PTDSS2: variants seen among roughly 807,000 people sequenced by gnomAD.
The protein encoded by PTDSS2 is phosphatidylserine synthase 2.
PTDSS2 carries 41 observed loss-of-function variants against 64.7 expected under a neutral mutation model. The observed-to-expected ratio is 0.63, with a 90% CI of 0.49 to 0.82. The LOEUF is 0.82. Ranked by LOEUF, PTDSS2 falls within the 40% of genes least tolerant of loss-of-function variation. PTDSS2 has a pLI of 0.00. For missense variants in PTDSS2, 485 were observed against 650.0 expected, an observed-to-expected ratio of 0.75 and a Z score of 2.76; for synonymous variants, 297 against 277.8, an observed-to-expected ratio of 1.07 and a Z score of -0.69.
chr11:484,681 GGC>G (rs1369746744), intron 4 of PTDSS2, among the ~76,000 whole-genome samples: 1 of 147,834 alleles, frequency 6.8e-6, no homozygotes, highest in Admixed American at 7.0e-5. Flanking sequence ...AAACTGCACG[GGC>G]GTGTGTGCTG....
intron 3 of PTDSS2, among the ~76,000 whole-genome samples, chr11:474,778 C>T (rs957413237): frequency 6.6e-6 from 1 of 152,212 alleles, no homozygotes; most frequent in African/African-American, 2.4e-5. Flanking sequence ...TACAAAGATA[C>T]TTAAAAATAA....
Position 476,728 on chromosome 11 carries a change from C to T in PTDSS2, c.368-2357C>T, listed in dbSNP as rs987227939. Among the ~76,000 whole-genome samples, 3 of 152,164 alleles carry T rather than the reference C, an allele frequency of 2.0e-5. No individual in the cohort carries two copies. Among genetic ancestry groups the T allele is most frequent in the South Asian group, 2.1e-4 (1 of 4,830 alleles). ...GCGCTTCCAAAAGCTCCGGCCGCGG[C>T]GTCTCTTGAGTTGTGGCTCGTCCCC... On this transcript the variant is annotated intron_variant, in intron 3 of 11. Transcript: ENST00000308020. The surrounding 1 kb of genome is among the most constrained non-coding windows in gnomAD (Gnocchi z 4.9).
At chr11:453,667 T>C (rs370850738) in intron 1 of PTDSS2, among the ~76,000 whole-genome samples, 2 of 152,332 alleles carry the variant, frequency 1.3e-5, no homozygotes, top group African/African-American at 4.8e-5. Flanking sequence ...GTCTTGCTGG[T>C]CAGAGCCAGA....
At chr11:482,592 G>A (rs1317639274) in intron 4 of PTDSS2, among the ~76,000 whole-genome samples, 1 of 152,224 alleles carries the variant, frequency 6.6e-6, no homozygotes, top group African/African-American at 2.4e-5. Flanking sequence ...GGGAGTATAA[G>A]CATGAGCCAC....
Position 451,614 on chromosome 11 carries a change from G to A in PTDSS2, c.182+977G>A. The stretch of plus-strand genomic sequence containing the variant: ...CCAGCAGTGGAAGGAAGGCTTTATG[G>A]ACGCTTCCAAGAGAACCATGCTGTG... On this transcript the variant is annotated intron_variant, in intron 1 of 11. Transcript: ENST00000308020. 1.6e-5 allele frequency: 4 copies of A among 244,556 alleles called. 1 individual carries two copies. Among genetic ancestry groups the A allele is most frequent in the South Asian group, 1.4e-4 (4 of 28,168 alleles). 15.1% of individuals were successfully genotyped at this position (244,556 alleles called of 1,614,324 possible).
At chr11:454,319 C>T (rs1235657542) in intron 1 of PTDSS2, among the ~76,000 whole-genome samples, 1 of 152,130 alleles carries the variant, frequency 6.6e-6, no homozygotes, top group Non-Finnish European at 1.5e-5. Context: ...TCGGTGGCCA[C>T]CTCAATGACA....
At position 476,258 on chromosome 11, in the gene PTDSS2, T is replaced by A. The variant is rs1346079985; in HGVS notation, c.367+2281T>A. Among the ~76,000 whole-genome samples the A allele has an allele frequency of 3.9e-5, 6 of 152,144 alleles. No individual in the cohort carries two copies. Among genetic ancestry groups the A allele is most frequent in the African/African-American group, 1.4e-4 (6 of 41,418 alleles). Reference sequence around the variant, plus strand: ...GGTCTTGCCTCCAAGGGGTTTGGATTCCTCAGCAGAGCCGTGGAAGGTGCA... The same window carrying A: ...GGTCTTGCCTCCAAGGGGTTTGGATACCTCAGCAGAGCCGTGGAAGGTGCA... On this transcript the variant is annotated intron_variant, in intron 3 of 11. Transcript: ENST00000308020. This position sits in a 1 kb window ranked among gnomAD's most constrained non-coding sequence, Gnocchi z 4.9.
rs527810824 is a variant in PTDSS2, at chr11:485,619, C to T, written c.436-1320C>T. On this transcript the variant is annotated intron_variant, in intron 4 of 11. Coordinates refer to ENST00000308020, the MANE Select transcript of PTDSS2 (RefSeq NM_030783.3). ...CGGGCGCGTGTGCTCACTGCGCAGG[C>T]GAGTGTAAACAGTGCACGGGCGCGT... 6.0e-5 allele frequency among the ~76,000 whole-genome samples: 8 copies of T among 134,258 alleles called. No homozygotes were observed. The East Asian group carries it at 7.0e-4, about 12-fold the overall frequency. The allele number at this position is 134,258 out of a possible 152,430, so 88.1% of individuals were successfully genotyped here.
In PTDSS2 at chr11:479,149, C is replaced by G; in HGVS notation, c.432C>G (p.Phe144Leu). ...VYELFLIFIL[F>L]QTVQDGRQFL... ...AGCTGTTTCTCATCTTTATACTCTTCCAGGTAAGCTGTTTTTCTGGGTTGG... is the reference window on the plus strand; with the variant it reads ...AGCTGTTTCTCATCTTTATACTCTTGCAGGTAAGCTGTTTTTCTGGGTTGG... The change falls in exon 4 of 12, where the codon TTC becomes TTG. Residue 144 changes from phenylalanine to leucine, a missense_variant. Physicochemically the swap from Phe to Leu is conservative, Grantham distance 22. Around this residue, in one of 3 missense-constraint regions of PTDSS2, gnomAD observed 251 missense variants for 348.0 expected, o/e 0.72. Transcript: ENST00000308020. This position sits in a 1 kb window ranked among gnomAD's most constrained non-coding sequence, Gnocchi z 4.2. 1.9e-6 allele frequency: 3 copies of G among 1,613,532 alleles called. No homozygotes were observed. Among genetic ancestry groups the G allele is most frequent in the Non-Finnish European group, 2.5e-6 (3 of 1,179,402 alleles).
chr11:488,589 G>C lies in PTDSS2; in HGVS notation c.796G>C (p.Glu266Gln). 1 of 1,613,488 alleles carries C rather than the reference G, an allele frequency of 6.2e-7. No individual in the cohort carries two copies. The highest frequency in any genetic ancestry group is 8.5e-7 in the Non-Finnish European group (1 of 1,179,966). ...LGIYCGMKTL[E>Q]WLSLKTYKWQ... ...CATCTACTGCGGCATGAAGACCCTT[G>C]AGTGGCTGTCCCTGAAGACGTACAA... is the stretch of plus-strand genomic sequence containing the variant. The change falls in exon 8 of 12, where the codon GAG becomes CAG. Residue 266 changes from glutamate (E) to glutamine (Q), a missense_variant. This residue lies in a region of PTDSS2 where 251 missense variants were observed against 348.0 expected (regional missense o/e 0.72). Coordinates refer to ENST00000308020, the MANE Select transcript of PTDSS2 (RefSeq NM_030783.3).
chr11:455,292 A>C (rs1846533756), intron 1 of PTDSS2, among the ~76,000 whole-genome samples: 1 of 152,184 alleles, frequency 6.6e-6, no homozygotes, highest in African/African-American at 2.4e-5. Flanking sequence ...ATTACTGCCC[A>C]GAGTGAGAAC....
chr11:451,361 A>C (rs1590595742), intron 1 of PTDSS2: 1 of 444,274 alleles, frequency 2.3e-6, no homozygotes, highest in Non-Finnish European at 4.6e-6. Context: ...GACAGGCTCC[A>C]GGTGCCGCTC....
At chr11:487,274 T>C in intron 5 of PTDSS2, 146 bp from the exon 6 acceptor site, 1 of 944,306 alleles carries the variant, frequency 1.1e-6, no homozygotes, top group Non-Finnish European at 1.7e-6. Context: ...GTGGACGTGG[T>C]CTCCACAGGC....
Position 479,251 on chromosome 11 carries a change from A to G in PTDSS2, c.435+99A>G. ...GCCTTGCCCACACAGCCCTCGAGTG[A>G]TGGGAGGAAGCAGGGCTAGACCCCC... On this transcript the variant is annotated intron_variant, in intron 4 of 11. Transcript: ENST00000308020. This position sits in a 1 kb window ranked among gnomAD's most constrained non-coding sequence, Gnocchi z 4.2. 1 of 998,398 alleles carries G rather than the reference A, an allele frequency of 1.0e-6. No individual in the cohort carries two copies. Among genetic ancestry groups the G allele is most frequent in the South Asian group, 1.3e-5 (1 of 78,874 alleles). The allele number at this position is 998,398 out of a possible 1,614,324, so 61.8% of individuals were successfully genotyped here. A position where few individuals can be genotyped will look rare whatever the true frequency, so the allele number is the denominator to read the frequency against.
At chr11:485,121 G>A (rs139668637) in intron 4 of PTDSS2, among the ~76,000 whole-genome samples, 3 of 122,850 alleles carry the variant, frequency 2.4e-5, no homozygotes, top group African/African-American at 1.0e-4. Flanking sequence ...GCACGGGCGC[G>A]TGTGCTCACT....
intron 5 of PTDSS2, 56 bp downstream of exon 5, chr11:487,129 A>C: frequency 6.6e-7 from 1 of 1,525,960 alleles, no homozygotes; most frequent in Non-Finnish European, 9.0e-7. Flanking sequence ...CCCGTGCCGG[A>C]CCAGGCGCCA....
chr11:489,418 C>T lies in PTDSS2; in HGVS notation c.873C>T (p.Ile291=), dbSNP rs570734704. The T allele has an allele frequency of 1.1e-5, 17 of 1,613,216 alleles. No individual in the cohort carries two copies. Among genetic ancestry groups the T allele is most frequent in the South Asian group, 7.7e-5 (7 of 91,078 alleles). The change falls in exon 9 of 12, where the codon ATC becomes ATT. Residue 291 remains isoleucine (I), a synonymous_variant. Coordinates refer to ENST00000308020, the MANE Select transcript of PTDSS2 (RefSeq NM_030783.3). Reference sequence around the variant, plus strand: ...TTCCCAGGGGCAAGATGAAGAGGATCGCCTTCCAGTTCACGCCGTACAGCT... The same window carrying T: ...TTCCCAGGGGCAAGATGAAGAGGATTGCCTTCCAGTTCACGCCGTACAGCT... ...IPTYKGKMKR[I]AFQFTPYSWV...
At chr11:484,850 C>T (rs1288476000) in intron 4 of PTDSS2, among the ~76,000 whole-genome samples, 4 of 126,030 alleles carry the variant, frequency 3.2e-5, no homozygotes, top group South Asian at 2.7e-4. Context: ...AAACAGTGCA[C>T]GGGTGCGTGT....
chr11:490,801 C>CGTGTACGTGT lies in PTDSS2; in HGVS notation c.*223_*224insACGTGTGTGT. 1.7e-6 allele frequency: 1 copy of CGTGTACGTGT among 575,812 alleles called. No homozygotes were observed. The highest frequency in any genetic ancestry group is 3.1e-6 in the Non-Finnish European group (1 of 324,232). 35.7% of individuals were successfully genotyped at this position (575,812 alleles called of 1,614,324 possible). On this transcript the variant is annotated 3_prime_UTR_variant, in exon 12 of 12. Transcript: ENST00000308020. ...GTACGTGTGTATGCGTGTGTGTACGCGTGTGTACGCGCGTGTGTACACATG... is the reference window on the plus strand; with the variant it reads ...GTACGTGTGTATGCGTGTGTGTACGCGTGTACGTGTGTGTGTACGCGCGTGTGTACACATG...
Sources: allele counts gnomAD v4.1 joint callset (sites outside exome capture counted in the v4.1 genomes callset), GRCh38; gene constraint gnomAD v4.1.1; regional missense constraint gnomAD v4.1.1; non-coding constraint Gnocchi (gnomAD v3.1); transcripts MANE v1.5; gene names NCBI Gene and HGNC (gene_info 2026-07-23, HGNC 2026-07-21).